CHN2: variants seen among roughly 807,000 people sequenced by gnomAD.
CHN2 encodes beta-chimaerin.
CHN2 carries 35 observed loss-of-function variants against 56.3 expected under a neutral mutation model. The observed-to-expected ratio is 0.62, with a 90% CI of 0.47 to 0.82. The LOEUF (loss-of-function observed/expected upper bound fraction) is 0.82. CHN2 is among the 40% of genes least tolerant of loss of function. The pLI is 0.00. For missense variants in CHN2, 491 were observed against 580.5 expected (o/e 0.85, Z 1.58); for synonymous variants, 210 against 212.8 (o/e 0.99, Z 0.12).
At chr7:29,188,106 T>C (rs541209959) in intron 2 of CHN2, among the ~76,000 whole-genome samples, 1 of 152,328 alleles carries the variant, frequency 6.6e-6, no homozygotes, top group Admixed American at 6.5e-5. Flanking sequence ...CAGACTTTAA[T>C]TCTCACAGAT....
chr7:29,393,561 G>T, intron 3 of CHN2, 118 bp from the exon 4 acceptor site: 1 of 475,598 alleles, frequency 2.1e-6, no homozygotes, highest in South Asian at 2.1e-5. Context: ...CTGATTTGGA[G>T]GATACAATCT....
At chr7:29,347,365 G>A (rs1797529505) in intron 1 of CHN2, among the ~76,000 whole-genome samples, 1 of 152,110 alleles carries the variant, frequency 6.6e-6, no homozygotes, top group African/African-American at 2.4e-5. Context: ...TTTCCACACT[G>A]CTATAAAGAA....
intron 1 of CHN2, among the ~76,000 whole-genome samples, chr7:29,216,398 AATGGGCAAGTGTGCCC>A (rs1330469568): frequency 5.3e-5 from 8 of 152,228 alleles, no homozygotes; most frequent in African/African-American, 1.9e-4. Flanking sequence ...GTCTCTTCCT[AATGGGCAAGTGTGCCC>A]ATTTTGAAAC....
intron 9 of CHN2, among the ~76,000 whole-genome samples, chr7:29,502,637 C>A (rs1790092407): frequency 6.6e-6 from 1 of 152,166 alleles, no homozygotes; most frequent in African/African-American, 2.4e-5. Context: ...CGATGTAATA[C>A]AGGGTGACGC....
chr7:29,508,428 A>AC (rs1026289731), intron 11 of CHN2, among the ~76,000 whole-genome samples: 6 of 151,762 alleles, frequency 4.0e-5, no homozygotes, highest in African/African-American at 1.5e-4. Context: ...TAAAAAAAAA[A>AC]AAAAAACCTT....
In CHN2 at chr7:29,287,022, G is replaced by C. The variant is rs534387802; in HGVS notation, c.50-67603G>C. On this transcript the variant is annotated intron_variant, in intron 1 of 12. Transcript: ENST00000222792. ...CTCTAATAACTATCTCCCTTCCCCT[G>C]GGGATGGGGACCCTTTTCTTCTCCT... is the stretch of plus-strand genomic sequence containing the variant. 2.0e-5 allele frequency among the ~76,000 whole-genome samples: 3 copies of C among 152,186 alleles called. No homozygotes were observed. In the South Asian group the frequency reaches 6.2e-4, roughly 32 times the overall value.
intron 1 of CHN2, among the ~76,000 whole-genome samples, chr7:29,310,911 A>G (rs1463639888): frequency 6.6e-6 from 1 of 152,212 alleles, no homozygotes; most frequent in South Asian, 2.1e-4. Flanking sequence ...GGGGGATGCA[A>G]GCATTCAGTT....
In CHN2 at chr7:29,362,760, C is replaced by G. The variant is rs146432989; in HGVS notation, c.89-5172C>G. Reference sequence around the variant, plus strand: ...CTGCCTCTTCCCTTGGGAAGTTGTTCTGACCACTTGAGTACATTGAATAGC... The same window carrying G: ...CTGCCTCTTCCCTTGGGAAGTTGTTGTGACCACTTGAGTACATTGAATAGC... On this transcript the variant is annotated intron_variant, in intron 2 of 12. Transcript: ENST00000222792. Among the ~76,000 whole-genome samples the G allele has an allele frequency of 3.3e-5, 5 of 152,316 alleles. No homozygotes were observed. The East Asian group carries it at 9.6e-4, about 29-fold the overall frequency.
At chr7:29,399,928 A>G (rs748402829) in intron 5 of CHN2, among the ~76,000 whole-genome samples, 2 of 152,142 alleles carry the variant, frequency 1.3e-5, no homozygotes, top group African/African-American at 2.4e-5. Flanking sequence ...CCCAGAGAGG[A>G]GGGAACCTCT....
At chr7:29,344,764 G>A (rs1183593415) in intron 1 of CHN2, among the ~76,000 whole-genome samples, 1 of 152,098 alleles carries the variant, frequency 6.6e-6, no homozygotes, top group Non-Finnish European at 1.5e-5. Context: ...GCTCTTGAAG[G>A]ACCCTGGACA....
At chr7:29,420,059 C>CAAAAAA (rs398004204) in intron 6 of CHN2, among the ~76,000 whole-genome samples, 1 of 120,310 alleles carries the variant, frequency 8.3e-6, no homozygotes. Context: ...GACTCCATCT[C>CAAAAAA]AAAAAAAAAA....
At chr7:29,298,752 A>G (rs1793402044) in intron 1 of CHN2, among the ~76,000 whole-genome samples, 1 of 152,234 alleles carries the variant, frequency 6.6e-6, no homozygotes, top group Non-Finnish European at 1.5e-5. Context: ...TACAAGAACA[A>G]GCAGGTTAGT....
At chr7:29,500,068 G>C in intron 9 of CHN2, 28 bp downstream of exon 9, 1 of 1,435,456 alleles carries the variant, frequency 7.0e-7, no homozygotes, top group Non-Finnish European at 9.3e-7. Flanking sequence ...TATTATAGTA[G>C]TATAGTGATT....
intron 2 of CHN2, among the ~76,000 whole-genome samples, chr7:29,161,057 A>G (rs1188460835): frequency 3.9e-5 from 6 of 152,146 alleles, no homozygotes; most frequent in Non-Finnish European, 8.8e-5. Context: ...TATTTTCTGT[A>G]TAATACCTAG....
At chr7:29,435,894 C>A (rs1323168823) in intron 6 of CHN2, among the ~76,000 whole-genome samples, 1 of 137,422 alleles carries the variant, frequency 7.3e-6, no homozygotes, top group African/African-American at 2.7e-5. Flanking sequence ...GAAGCGCCTC[C>A]TTTTTTTTTT....
rs113831000 is a variant in CHN2, at chr7:29,164,744, G to A, written c.274+17784G>A. 4.8e-4 allele frequency among the ~76,000 whole-genome samples: 65 copies of A among 136,302 alleles called. 1 individual carries two copies. The highest frequency in any genetic ancestry group is 1.8e-3 in the African/African-American group (62 of 35,228). The allele number at this position is 136,302 out of a possible 152,430, so 89.4% of individuals were successfully genotyped here. A position where few individuals can be genotyped will look rare whatever the true frequency, so the allele number is the denominator to read the frequency against. ...TGCAGTGAGCCGAGATCTCACCACTGCACTCCAGCCTGGGTGACAGAGCAA... is the reference window on the plus strand; with the variant it reads ...TGCAGTGAGCCGAGATCTCACCACTACACTCCAGCCTGGGTGACAGAGCAA... On this transcript the variant is annotated intron_variant, in intron 2 of 6. Transcript: ENST00000439384.
At chr7:29,382,176 A>T (rs921552352) in intron 3 of CHN2, among the ~76,000 whole-genome samples, 3 of 152,244 alleles carry the variant, frequency 2.0e-5, no homozygotes, top group Admixed American at 2.0e-4. Context: ...TATTGTTGTT[A>T]TTAGGCTCTG....
In CHN2 at chr7:29,146,813, T is replaced by C. The variant is rs1170087881; in HGVS notation, c.163-36T>C. On this transcript the variant is annotated intron_variant, in intron 1 of 6. Coordinates refer to the CHN2 transcript ENST00000439384. ...TTTTAAAAGCTGCTATCTTAAAATT[T>C]CAACCCTGTATTTTGAAATTATTTC... 4 of 1,550,372 alleles carry C rather than the reference T, an allele frequency of 2.6e-6. No individual in the cohort carries two copies. The South Asian group carries it at 4.8e-5, about 18-fold the overall frequency.
intron 6 of CHN2, chr7:29,401,183 G>A: frequency 4.2e-6 from 1 of 238,344 alleles, no homozygotes; most frequent in Non-Finnish European, 8.2e-6. Flanking sequence ...CAGGAGAATG[G>A]CATGAACCCA....
Sources: allele counts gnomAD v4.1 joint callset (sites outside exome capture counted in the v4.1 genomes callset), GRCh38; gene constraint gnomAD v4.1.1; transcripts MANE v1.5; gene names NCBI Gene and HGNC (gene_info 2026-07-23, HGNC 2026-07-21).